PDZRN4: variants seen among roughly 807,000 people sequenced by gnomAD.
PDZRN4 encodes the protein PDZ domain-containing RING finger protein 4.
PDZRN4 carries 70 observed loss-of-function variants against 99.0 expected under a neutral mutation model. The observed-to-expected ratio is 0.71, with a 90% confidence interval of 0.58 to 0.86. PDZRN4 has a LOEUF of 0.86. Among genes scored for constraint, PDZRN4 ranks in the 40% least tolerant of loss-of-function variants. The probability of loss-of-function intolerance (pLI) is 0.00; values close to 1 mark genes in which losing one functional copy is unlikely to be tolerated. For missense variants in PDZRN4, 1,474 were observed against 1,331.2 expected, an observed-to-expected ratio of 1.11 and a Z score of -1.67; for synonymous variants, 551 against 501.6, an observed-to-expected ratio of 1.10 and a Z score of -1.32.
intron 3 of PDZRN4, among the ~76,000 whole-genome samples, chr12:41,274,164 T>G (rs181413354): frequency 3.4e-4 from 51 of 152,156 alleles, no homozygotes; most frequent in Non-Finnish European, 1.6e-4. Context: ...AAAAAGTAGG[T>G]CATCCTAATG....
At chr12:41,234,748 G>C (rs1951054235) in intron 3 of PDZRN4, among the ~76,000 whole-genome samples, 1 of 152,124 alleles carries the variant, frequency 6.6e-6, no homozygotes, top group Non-Finnish European at 1.5e-5. Flanking sequence ...TTAAAAGTTG[G>C]TTGGATGAGA....
intron 3 of PDZRN4, among the ~76,000 whole-genome samples, chr12:41,267,359 T>G (rs1392575876): frequency 6.6e-6 from 1 of 152,052 alleles, no homozygotes; most frequent in African/African-American, 2.4e-5. Flanking sequence ...CAACTGGAGC[T>G]GGCATGTTAC....
intron 3 of PDZRN4, among the ~76,000 whole-genome samples, chr12:41,276,491 T>C (rs983699133): frequency 7.2e-5 from 11 of 152,176 alleles, no homozygotes; most frequent in Admixed American, 5.9e-4. Context: ...AATATATTTA[T>C]GAAATATGAA....
intron 5 of PDZRN4, among the ~76,000 whole-genome samples, chr12:41,514,855 G>T (rs558868605): frequency 3.9e-5 from 6 of 152,200 alleles, no homozygotes; most frequent in Middle Eastern, 3.4e-3. Flanking sequence ...CACTTGTAAG[G>T]AAAGGGCAAA....
chr12:41,330,303 T>G (rs1254416185), intron 3 of PDZRN4, among the ~76,000 whole-genome samples: 1 of 152,034 alleles, frequency 6.6e-6, no homozygotes, highest in East Asian at 1.9e-4. Flanking sequence ...ATCTTGACAT[T>G]CCAAGTGTTG....
Position 41,482,229 on chromosome 12 carries a change from G to T in PDZRN4, c.844-24227G>T, listed in dbSNP as rs546563413. 7.2e-5 allele frequency among the ~76,000 whole-genome samples: 11 copies of T among 152,228 alleles called. No individual in the cohort carries two copies. In the East Asian group the frequency reaches 2.1e-3, roughly 29 times the overall value. The stretch of plus-strand genomic sequence containing the variant: ...AAACCTAAGGTGGAAAGAAAGAGAA[G>T]GTGTTTTCCTTGTCATCTCTCTCTG... On this transcript the variant is annotated intron_variant, in intron 3 of 9. Coordinates refer to ENST00000402685, the MANE Select transcript of PDZRN4 (RefSeq NM_001164595.2).
At chr12:41,269,791 A>G (rs1269718622) in intron 3 of PDZRN4, among the ~76,000 whole-genome samples, 1 of 152,188 alleles carries the variant, frequency 6.6e-6, no homozygotes, top group Admixed American at 6.6e-5. Context: ...CACAAGATGG[A>G]AAGTTTAAGG....
At chr12:41,374,756 G>A (rs1952067451) in intron 3 of PDZRN4, among the ~76,000 whole-genome samples, 1 of 152,066 alleles carries the variant, frequency 6.6e-6, no homozygotes, top group South Asian at 2.1e-4. Flanking sequence ...TCAGTTGGGA[G>A]GAAGGACATT....
chr12:41,522,272 C>T (rs1000069996), intron 5 of PDZRN4, among the ~76,000 whole-genome samples: 3 of 152,096 alleles, frequency 2.0e-5, no homozygotes, highest in Non-Finnish European at 2.9e-5. Context: ...AACAAAATCT[C>T]TCCCTCCAAA....
At chr12:41,220,147 C>T (rs546290657) in intron 3 of PDZRN4, among the ~76,000 whole-genome samples, 1 of 152,116 alleles carries the variant, frequency 6.6e-6, no homozygotes, top group Non-Finnish European at 1.5e-5. Flanking sequence ...GCTGCCATAA[C>T]AAAGTCCCAT....
intron 3 of PDZRN4, among the ~76,000 whole-genome samples, chr12:41,333,313 T>G (rs1185215447): frequency 3.3e-5 from 5 of 152,114 alleles, no homozygotes. Flanking sequence ...TCAGCAGCTG[T>G]GTGCTCCAGC....
chr12:41,198,285 AT>A (rs946579285), intron 3 of PDZRN4, among the ~76,000 whole-genome samples: 1 of 151,914 alleles, frequency 6.6e-6, no homozygotes, highest in African/African-American at 2.4e-5. Flanking sequence ...GAAAGGGTGG[AT>A]AATCATTCAT....
intron 3 of PDZRN4, among the ~76,000 whole-genome samples, chr12:41,325,790 C>G (rs1951705664): frequency 6.6e-6 from 1 of 152,084 alleles, no homozygotes; most frequent in Admixed American, 6.6e-5. Flanking sequence ...AAGCATTATT[C>G]CCAACATGGA....
chr12:41,373,798 A>T (rs1452031813), intron 3 of PDZRN4, among the ~76,000 whole-genome samples: 2 of 152,180 alleles, frequency 1.3e-5, no homozygotes, highest in Non-Finnish European at 2.9e-5. Flanking sequence ...TGGGGAAGTG[A>T]TAAGTGTCCA....
chr12:41,308,371 G>A (rs910555081), intron 3 of PDZRN4, among the ~76,000 whole-genome samples: 7 of 151,926 alleles, frequency 4.6e-5, no homozygotes, highest in Admixed American at 1.3e-4. Flanking sequence ...CTTAAATATC[G>A]GTTGAGGAAC....
Position 41,528,788 on chromosome 12 carries a change from C to T in PDZRN4, c.1203+18875C>T, listed in dbSNP as rs1938613126. 2.6e-5 allele frequency among the ~76,000 whole-genome samples: 4 copies of T among 152,262 alleles called. No individual in the cohort carries two copies. In the South Asian group the frequency reaches 8.3e-4, roughly 32 times the overall value. On this transcript the variant is annotated intron_variant, in intron 5 of 9. Coordinates refer to ENST00000402685, the MANE Select transcript of PDZRN4 (RefSeq NM_001164595.2). ...CAGCAGTAAATTGTAAGGTTTTATT[C>T]TTTAACACATAAGTTTTCAAAAAGT...
intron 3 of PDZRN4, among the ~76,000 whole-genome samples, chr12:41,425,962 G>A (rs1056705156): frequency 1.3e-5 from 2 of 152,142 alleles, no homozygotes; most frequent in African/African-American, 4.8e-5. Flanking sequence ...GAGCTTAGTT[G>A]CTTACGGTTG....
In PDZRN4 at chr12:41,572,409, T is replaced by C. The variant is rs752140702; in HGVS notation, c.1630T>C (p.Ser544Pro). ...EEEGTTDTATSSSNNHEKDSG... is the reference protein window; with the variant it reads ...EEEGTTDTATPSSNNHEKDSG... ...AGAAGGCACAACAGACACTGCAACA[T>C]CCTCATCCAACAACCATGAGAAGGA... is the stretch of plus-strand genomic sequence containing the variant. Residue 544 changes from serine to proline, a missense_variant, in exon 10 of 10, where the codon TCC becomes CCC. Ser to Pro is a moderately conservative substitution (Grantham distance 74). Transcript: ENST00000402685. 18 of 1,614,070 alleles carry C rather than the reference T, an allele frequency of 1.1e-5. No homozygotes were observed. Among genetic ancestry groups the C allele is most frequent in the Non-Finnish European group, 1.4e-5 (17 of 1,179,982 alleles).
At chr12:41,545,807 T>C (rs1264702027) in intron 5 of PDZRN4, among the ~76,000 whole-genome samples, 2 of 151,784 alleles carry the variant, frequency 1.3e-5, no homozygotes, top group African/African-American at 4.8e-5. Flanking sequence ...ATGGTTTCTT[T>C]TTCCTCCATG....
Sources: allele counts gnomAD v4.1 joint callset (sites outside exome capture counted in the v4.1 genomes callset), GRCh38; gene constraint gnomAD v4.1.1; transcripts MANE v1.5; gene names NCBI Gene and HGNC (gene_info 2026-07-23, HGNC 2026-07-21).